PAMR1: variants seen among roughly 807,000 people sequenced by gnomAD.
The protein encoded by PAMR1 is peptidase domain containing associated with muscle regeneration 1.
PAMR1 carries 88 observed loss-of-function variants against 81.8 expected under a neutral mutation model. That is an observed-to-expected ratio of 1.08 (90% CI 0.91 to 1.28). The LOEUF is 1.28. Ranked by LOEUF, PAMR1 falls within the 50% of genes most tolerant of loss-of-function variation. The pLI is 0.00. For missense variants in PAMR1, 935 were observed against 919.7 expected (o/e 1.02, Z -0.21); for synonymous variants, 336 against 345.3 (o/e 0.97, Z 0.30).
upstream of PAMR1, among the ~76,000 whole-genome samples, chr11:35,527,328 A>G (rs913612152): frequency 6.6e-6 from 1 of 152,214 alleles, no homozygotes; most frequent in Non-Finnish European, 1.5e-5. Flanking sequence ...GGAAGAATTT[A>G]ATAAGATTAC....
At chr11:35,434,855 A>G in intron 9 of PAMR1, 51 bp from the exon 10 acceptor site, 1 of 1,557,556 alleles carries the variant, frequency 6.4e-7, no homozygotes, top group East Asian at 2.3e-5. Flanking sequence ...TTGCCATCCA[A>G]AGGAGAATGT....
chr11:35,493,624 A>G lies in PAMR1; in HGVS notation c.250+472T>C, dbSNP rs1850668814. 2.0e-5 allele frequency among the ~76,000 whole-genome samples: 3 copies of G among 152,120 alleles called. No individual in the cohort carries two copies. The South Asian group carries it at 6.2e-4, about 32-fold the overall frequency. On this transcript the variant is annotated intron_variant, in intron 2 of 10. Coordinates refer to ENST00000619888, the MANE Select transcript of PAMR1 (RefSeq NM_001001991.3). ...TGTTTAGTCTGCTTCTCCCATCAGCATGCTCACCACCTTCTCTAGTAAGTC... is the reference window on the plus strand; with the variant it reads ...TGTTTAGTCTGCTTCTCCCATCAGCGTGCTCACCACCTTCTCTAGTAAGTC...
intron 10 of PAMR1, among the ~76,000 whole-genome samples, chr11:35,433,127 G>C (rs1855949424): frequency 6.6e-6 from 1 of 152,212 alleles, no homozygotes; most frequent in Non-Finnish European, 1.5e-5. Context: ...GGACAGTTGA[G>C]GCTGCATGCC....
rs910935860 is a variant in PAMR1, at chr11:35,494,352, G to C, written c.74-80C>G. 15 of 1,243,774 alleles carry C rather than the reference G, an allele frequency of 1.2e-5. No individual in the cohort carries two copies. In the Admixed American group the frequency reaches 1.6e-4, roughly 13 times the overall value. The allele number at this position is 1,243,774 out of a possible 1,614,324, so 77.0% of individuals were successfully genotyped here. Reference sequence around the variant, plus strand: ...CTTTGTTTGTTTGTTTGTTTGTTTTGAGACGGAGTCTTGCTCTGTCGCCCA... The same window carrying C: ...CTTTGTTTGTTTGTTTGTTTGTTTTCAGACGGAGTCTTGCTCTGTCGCCCA... On this transcript the variant is annotated intron_variant, in intron 1 of 10. Transcript: ENST00000619888.
chr11:35,469,279 T>C (rs962034454), intron 5 of PAMR1, among the ~76,000 whole-genome samples: 3 of 152,202 alleles, frequency 2.0e-5, no homozygotes, highest in African/African-American at 7.2e-5. Flanking sequence ...TTTGACGGCA[T>C]TGATAAAACA....
At chr11:35,521,299 A>AT (rs1288007952) in intron 1 of PAMR1, among the ~76,000 whole-genome samples, 1 of 152,194 alleles carries the variant, frequency 6.6e-6, no homozygotes, top group Non-Finnish European at 1.5e-5. Context: ...CTGTTGGCCA[A>AT]TTAGTCCTCA....
chr11:35,437,043 T>C (rs1856063723), intron 8 of PAMR1, among the ~76,000 whole-genome samples: 1 of 152,122 alleles, frequency 6.6e-6, no homozygotes, highest in Non-Finnish European at 1.5e-5. Flanking sequence ...AATAGAACTT[T>C]CTCTCAGGGC....
intron 6 of PAMR1, among the ~76,000 whole-genome samples, chr11:35,459,196 CTA>C (rs549788151): frequency 1.3e-3 from 201 of 152,288 alleles, no homozygotes; most frequent in African/African-American, 4.8e-3. Flanking sequence ...GCATGGTACA[CTA>C]TGTCTTTCGG....
At chr11:35,507,039 C>CTTTTTT (rs71044524) in intron 1 of PAMR1, among the ~76,000 whole-genome samples, 2 of 86,840 alleles carry the variant, frequency 2.3e-5, no homozygotes, top group African/African-American at 4.5e-5. Flanking sequence ...AATAGCCTGA[C>CTTTTTT]TTTTTTTTTT....
upstream of PAMR1, among the ~76,000 whole-genome samples, chr11:35,526,416 G>C (rs1475527560): frequency 6.6e-6 from 1 of 152,154 alleles, no homozygotes; most frequent in Non-Finnish European, 1.5e-5. Context: ...CCACCAAAAG[G>C]GCTCAGTTTA....
At position 35,455,572 on chromosome 11, in the gene PAMR1, A is replaced by G. The variant is rs527715818; in HGVS notation, c.820+12429T>C. On this transcript the variant is annotated intron_variant, in intron 6 of 10. Coordinates refer to ENST00000619888, the MANE Select transcript of PAMR1 (RefSeq NM_001001991.3). ...TTCCTTTTGCTTAAGTCTCCAAGCC[A>G]TAAGTTCAAAGTTGGAGATGAGAGC... Among the ~76,000 whole-genome samples the G allele has an allele frequency of 3.6e-4, 55 of 152,314 alleles. 1 individual carries two copies. In the South Asian group the frequency reaches 0.01, roughly 29 times the overall value.
In PAMR1 at chr11:35,435,925, C is replaced by T. The variant is rs756974642; in HGVS notation, c.1311G>A (p.Gly437=). 1 of 1,614,024 alleles carries T rather than the reference C, an allele frequency of 6.2e-7. No individual in the cohort carries two copies. The highest frequency in any genetic ancestry group is 1.7e-5 in the Admixed American group (1 of 60,024). ...RTCLRTGKWS[G]RAPSCIPICG... is the part of the protein sequence containing the mutation. ...CACTAGGGATGCAGGATGGTGCCCG[C>T]CCACTCCACTTCCCAGTCCTCAGAC... The change falls in exon 9 of 11, where the codon GGG becomes GGA. Residue 437 remains glycine (G), a synonymous_variant. Coordinates refer to ENST00000619888, the MANE Select transcript of PAMR1 (RefSeq NM_001001991.3).
rs143939242 is a variant in PAMR1 at position 35,435,999 on chromosome 11, C to T, written c.1237G>A (p.Glu413Lys). ...YQHLHTQLQY[E>K]CISPFYRRLG... ...CGGCGGTAGAAGGGTGAGATGCACTCATACTGGAGCTGGGTATGCAGATGT... is the reference window on the plus strand; with the variant it reads ...CGGCGGTAGAAGGGTGAGATGCACTTATACTGGAGCTGGGTATGCAGATGT... The change falls in exon 9 of 11, where the codon GAG becomes AAG. Residue 413 changes from glutamate to lysine, a missense_variant. By Grantham distance (56) the Glu-to-Lys change is moderately conservative (BLOSUM62 1). Transcript: ENST00000619888. 9 of 1,614,076 alleles carry T rather than the reference C, an allele frequency of 5.6e-6. No homozygotes were observed. In the African/African-American group the frequency reaches 8.0e-5, roughly 14 times the overall value.
At chr11:35,448,366 G>A (rs144163129) in intron 6 of PAMR1, among the ~76,000 whole-genome samples, 2 of 151,604 alleles carry the variant, frequency 1.3e-5, no homozygotes, top group African/African-American at 4.8e-5. Context: ...AATCTTGTCT[G>A]CCTGTCTTAT....
intron 1 of PAMR1, among the ~76,000 whole-genome samples, chr11:35,522,881 T>C (rs1044658049): frequency 6.6e-6 from 1 of 152,252 alleles, no homozygotes; most frequent in African/African-American, 2.4e-5. Flanking sequence ...ATGAAGCCTT[T>C]GGCTCAAAGA....
At chr11:35,466,461 C>T (rs1053542799) in intron 6 of PAMR1, among the ~76,000 whole-genome samples, 2 of 152,156 alleles carry the variant, frequency 1.3e-5, no homozygotes, top group African/African-American at 4.8e-5. Flanking sequence ...AGTGCAGTGG[C>T]TCACCCCTGT....
intron 4 of PAMR1, among the ~76,000 whole-genome samples, chr11:35,472,919 G>C (rs1850214830): frequency 6.6e-6 from 1 of 152,140 alleles, no homozygotes; most frequent in African/African-American, 2.4e-5. Flanking sequence ...TCAACAAGGG[G>C]ATAATGCCGG....
chr11:35,495,044 A>G (rs1468435394), intron 1 of PAMR1, among the ~76,000 whole-genome samples: 1 of 152,208 alleles, frequency 6.6e-6, no homozygotes, highest in African/African-American at 2.4e-5. Flanking sequence ...AAACTGCATG[A>G]CTACATACTG....
chr11:35,501,516 CTTT>C (rs1850841617), intron 1 of PAMR1, among the ~76,000 whole-genome samples: 1 of 151,660 alleles, frequency 6.6e-6, no homozygotes, highest in Non-Finnish European at 1.5e-5. Context: ...AAAATATTTT[CTTT>C]ATGTTTTTAT....
Sources: gnomAD v4.1 joint callset for allele counts (sites outside exome capture counted in the v4.1 genomes callset) on GRCh38, gnomAD v4.1.1 for gene constraint, MANE v1.5 for transcripts, NCBI Gene and HGNC (gene_info 2026-07-23, HGNC 2026-07-21) for gene names.